The following NCOA5 variants were observed in gnomAD, a reference collection of about 807,000 sequenced individuals.
NCOA5 encodes the protein NCoA-5.
A neutral mutation model predicts 59.0 loss-of-function variants in NCOA5; 12 were observed. The ratio of observed to expected loss-of-function variants is 0.20; its 90% CI spans 0.13 to 0.33. The LOEUF (loss-of-function observed/expected upper bound fraction) is 0.33, where lower values mean the gene tolerates loss of function less well. Ranked by LOEUF, NCOA5 falls within the 10% of genes least tolerant of loss-of-function variation. The pLI, the probability that NCOA5 is intolerant of heterozygous loss-of-function variation, is 1.00. For missense variants in NCOA5, 655 were observed against 766.6 expected, an observed-to-expected ratio of 0.85 and a Z score of 1.72; for synonymous variants, 270 against 275.5, an observed-to-expected ratio of 0.98 and a Z score of 0.20.
At position 46,063,554 on chromosome 20, in the gene NCOA5, T is replaced by G; in HGVS notation, c.956A>C (p.Glu319Ala). ...TCTCTCTCTTTCCTGCAGGATGGCT[T>G]CATCGGCCATCTTGGCTGCCTGTCT... The part of the protein sequence containing the change: ...IARQAAKMAD[E>A]AILQERERGG... Residue 319 changes from glutamate (E) to alanine (A), a missense_variant, in exon 7 of 8, where the codon GAA (glutamate) becomes GCA (alanine). Physicochemically the swap from Glu to Ala is moderately radical, Grantham distance 107. This residue lies in a region of NCOA5 where 325 missense variants were observed against 353.2 expected (regional missense o/e 0.92). Transcript: ENST00000290231. 6.2e-7 allele frequency: 1 copy of G among 1,614,210 alleles called. No homozygotes were observed. The highest frequency in any genetic ancestry group is 8.5e-7 in the Non-Finnish European group (1 of 1,180,032).
At chr20:46,080,126 C>G (rs1336762673) in intron 1 of NCOA5, among the ~76,000 whole-genome samples, 3 of 152,080 alleles carry the variant, frequency 2.0e-5, no homozygotes, top group Non-Finnish European at 4.4e-5. Flanking sequence ...ATAAAACACT[C>G]CTCCTAAGTT....
intron 1 of NCOA5, among the ~76,000 whole-genome samples, chr20:46,079,655 A>G (rs1047721059): frequency 6.6e-6 from 1 of 152,208 alleles, no homozygotes; most frequent in African/African-American, 2.4e-5. Context: ...TTGGTAAGAA[A>G]TGTCCCTTCG....
intron 1 of NCOA5, among the ~76,000 whole-genome samples, chr20:46,088,137 T>C (rs896654656): frequency 1.3e-5 from 2 of 152,210 alleles, no homozygotes; most frequent in African/African-American, 4.8e-5. Flanking sequence ...GAACACACTA[T>C]TAACTTACAA....
In NCOA5 at chr20:46,070,425, GTCCCGGGCA is replaced by G. The variant is rs1194054053; in HGVS notation, c.141_149del (p.Ala48_Asp50del). On this transcript the variant is annotated inframe_deletion, in exon 3 of 8. Coordinates refer to ENST00000290231, the MANE Select transcript of NCOA5 (RefSeq NM_020967.3). Reference sequence around the variant, plus strand: ...CTCGGGGGTCTCGAATGTCTCTGCTGTCCCGGGCATCCCGGCCATTTCTGCCATCCCTGG... The same window carrying G: ...CTCGGGGGTCTCGAATGTCTCTGCTGTCCCGGCCATTTCTGCCATCCCTGG... The G allele has an allele frequency of 6.2e-7, 1 of 1,613,670 alleles. No individual in the cohort carries two copies. Among genetic ancestry groups the G allele is most frequent in the Non-Finnish European group, 8.5e-7 (1 of 1,179,950 alleles).
At chr20:46,071,247 A>T (rs1412538708) in intron 2 of NCOA5, among the ~76,000 whole-genome samples, 1 of 152,158 alleles carries the variant, frequency 6.6e-6, no homozygotes, top group Non-Finnish European at 1.5e-5. Flanking sequence ...GAGACGTTTC[A>T]ACCCACTGGA....
At chr20:46,074,737 T>A (rs1448702532) in intron 2 of NCOA5, among the ~76,000 whole-genome samples, 1 of 152,214 alleles carries the variant, frequency 6.6e-6, no homozygotes, top group Admixed American at 6.5e-5. Flanking sequence ...GCACCAGGCA[T>A]GTGACAGCCT....
At position 46,061,186 on chromosome 20, in the gene NCOA5, C is replaced by G. The variant is rs942683267; in HGVS notation, c.*1114G>C. On this transcript the variant is annotated 3_prime_UTR_variant, in exon 8 of 8. Coordinates refer to ENST00000290231, the MANE Select transcript of NCOA5 (RefSeq NM_020967.3). ...AGCTGAAGTCGCTGCTCTCCCTCAC[C>G]CCTGCTAGAGGACCTCAAGACTGTG... is the stretch of plus-strand genomic sequence containing the variant. 2 of 152,348 alleles carry G rather than the reference C, an allele frequency of 1.3e-5. No homozygotes were observed. Among genetic ancestry groups the G allele is most frequent in the Non-Finnish European group, 2.9e-5 (2 of 68,024 alleles). The allele number at this position is 152,348 out of a possible 1,614,324, so 9.4% of individuals were successfully genotyped here.
chr20:46,067,389 T>A (rs1312769115), intron 4 of NCOA5, among the ~76,000 whole-genome samples: 2 of 152,242 alleles, frequency 1.3e-5, no homozygotes, highest in Admixed American at 1.3e-4. Context: ...CTGCATCTGA[T>A]ACTTACTGCC....
chr20:46,066,938 C>A lies in NCOA5; in HGVS notation c.629+117G>T, dbSNP rs573797785. On this transcript the variant is annotated intron_variant, in intron 5 of 7. Transcript: ENST00000290231. ...CTATAACTGAAAGAACCCTGGCTAA[C>A]AGCGCACAGCAATGCAAGAATACAC... is the stretch of plus-strand genomic sequence containing the variant. 3.5e-4 allele frequency: 409 copies of A among 1,157,016 alleles called. 7 individuals carry two copies. In the South Asian group the frequency reaches 3.6e-3, roughly 10 times the overall value. 71.7% of individuals were successfully genotyped at this position (1,157,016 alleles called of 1,614,324 possible).
intron 2 of NCOA5, among the ~76,000 whole-genome samples, chr20:46,074,620 T>C (rs2084917259): frequency 6.6e-6 from 1 of 152,162 alleles, no homozygotes; most frequent in African/African-American, 2.4e-5. Context: ...GGGAAACATT[T>C]GAGACGTAAG....
intron 1 of NCOA5, among the ~76,000 whole-genome samples, chr20:46,082,265 T>C (rs1232896468): frequency 6.6e-6 from 1 of 152,162 alleles, no homozygotes; most frequent in Non-Finnish European, 1.5e-5. Context: ...TATAGTTTTA[T>C]TTTGTATTAA....
At chr20:46,088,788 G>A (rs2085069394) in intron 1 of NCOA5, among the ~76,000 whole-genome samples, 1 of 152,256 alleles carries the variant, frequency 6.6e-6, no homozygotes, top group Admixed American at 6.5e-5. Flanking sequence ...TGCACAGAGT[G>A]CAAGCCAGAA....
At chr20:46,069,293 A>G (rs2084856901) in intron 3 of NCOA5, among the ~76,000 whole-genome samples, 1 of 152,210 alleles carries the variant, frequency 6.6e-6, no homozygotes, top group Non-Finnish European at 1.5e-5. Context: ...CGTATTCTTG[A>G]TATTTCACAT....
intron 2 of NCOA5, among the ~76,000 whole-genome samples, chr20:46,072,609 A>G (rs1011497275): frequency 6.6e-5 from 10 of 151,586 alleles, no homozygotes; most frequent in Non-Finnish European, 1.5e-4. Context: ...CTAGTTCACC[A>G]CTCTTTGCCA....
intron 2 of NCOA5, among the ~76,000 whole-genome samples, chr20:46,074,296 G>A (rs2084913609): frequency 6.6e-6 from 1 of 152,170 alleles, no homozygotes; most frequent in African/African-American, 2.4e-5. Flanking sequence ...AGAAGACAAA[G>A]CTTCCTGTGG....
rs561736039 is a variant in NCOA5 at position 46,072,030 on chromosome 20, TACTC to T, written c.39-1498_39-1495del. Among the ~76,000 whole-genome samples, 8 of 152,332 alleles carry T rather than the reference TACTC, an allele frequency of 5.3e-5. No homozygotes were observed. The South Asian group carries it at 1.7e-3, about 32-fold the overall frequency. ...CATCTCAGTAAATGGCACATCCAAC[TACTC>T]AGTTACTCAAGCCACGAAACTGGAT... On this transcript the variant is annotated intron_variant, in intron 2 of 7. Coordinates refer to ENST00000290231, the MANE Select transcript of NCOA5 (RefSeq NM_020967.3).
chr20:46,066,542 T>C (rs2084825178), intron 5 of NCOA5, among the ~76,000 whole-genome samples: 1 of 152,154 alleles, frequency 6.6e-6, no homozygotes, highest in Non-Finnish European at 1.5e-5. Context: ...GACTTAGCCC[T>C]GGCCAATCAG....
At chr20:46,087,953 G>A (rs1383185320) in intron 1 of NCOA5, among the ~76,000 whole-genome samples, 1 of 151,536 alleles carries the variant, frequency 6.6e-6, no homozygotes, top group African/African-American at 2.4e-5. Flanking sequence ...TTTAACAGGG[G>A]GAGAGATACA....
At chr20:46,064,491 C>T (rs1468639164) in intron 6 of NCOA5, among the ~76,000 whole-genome samples, 1 of 152,200 alleles carries the variant, frequency 6.6e-6, no homozygotes, top group Non-Finnish European at 1.5e-5. Flanking sequence ...GCCTCTTAGC[C>T]CCTCTGGTTA....
Sources: gnomAD v4.1 joint callset for allele counts (sites outside exome capture counted in the v4.1 genomes callset) on GRCh38, gnomAD v4.1.1 for gene constraint, gnomAD v4.1.1 regional missense constraint, MANE v1.5 for transcripts, NCBI Gene and HGNC (gene_info 2026-07-23, HGNC 2026-07-21) for gene names.